The following PRKN variants were observed in gnomAD, a reference collection of about 807,000 sequenced individuals.
PRKN encodes the protein parkin RBR E3 ubiquitin protein ligase.
Under a neutral mutation model 59.5 loss-of-function variants are expected in PRKN, and 56 were observed. That is an observed-to-expected ratio of 0.94 (90% CI 0.76 to 1.18). The LOEUF (loss-of-function observed/expected upper bound fraction) is 1.18. Ranked by LOEUF, PRKN falls within the 50% of genes most tolerant of loss-of-function variation. PRKN has a pLI of 0.00. For missense variants in PRKN, 657 were observed against 596.4 expected (o/e 1.10, Z -1.06); for synonymous variants, 250 against 222.1 (o/e 1.13, Z -1.12).
At chr6:162,535,097 G>A (rs1333380404) in intron 1 of PRKN, among the ~76,000 whole-genome samples, 1 of 152,054 alleles carries the variant, frequency 6.6e-6, no homozygotes, top group Non-Finnish European at 1.5e-5. Flanking sequence ...GCTGGCTAAA[G>A]GGAAGCCCAG....
Position 161,445,152 on chromosome 6 carries a change from G to A in PRKN, c.1084-58275C>T, listed in dbSNP as rs79704117. Among the ~76,000 whole-genome samples, 1,647 of 152,152 alleles carry A rather than the reference G, an allele frequency of 0.011. 43 individuals carry two copies. The highest frequency in any genetic ancestry group is 0.11 in the East Asian group (554 of 5,150). On this transcript the variant is annotated intron_variant, in intron 9 of 11. Transcript: ENST00000366898. This position sits in a 1 kb window ranked among gnomAD's most constrained non-coding sequence, Gnocchi z 7.7. ...ACGTGCTCAGCCTCTCCAAAGCCGCGGCGCTGACACAGCTCCCCCTGCACG... is the reference window on the plus strand; with the variant it reads ...ACGTGCTCAGCCTCTCCAAAGCCGCAGCGCTGACACAGCTCCCCCTGCACG...
chr6:161,975,655 C>T (rs1336247863), intron 5 of PRKN, among the ~76,000 whole-genome samples: 1 of 152,086 alleles, frequency 6.6e-6, no homozygotes, highest in Non-Finnish European at 1.5e-5. Context: ...GATCGCTGAA[C>T]CCACCCTGGG....
At chr6:162,256,783 C>A (rs1172458687) in intron 3 of PRKN, among the ~76,000 whole-genome samples, 1 of 152,158 alleles carries the variant, frequency 6.6e-6, no homozygotes, top group Non-Finnish European at 1.5e-5. Flanking sequence ...AGCCAGGCCT[C>A]ATGGAGTCTT....
chr6:162,202,514 G>C (rs2128331021), intron 3 of PRKN, among the ~76,000 whole-genome samples: 1 of 152,188 alleles, frequency 6.6e-6, no homozygotes, highest in East Asian at 1.9e-4. Flanking sequence ...TTAGTTTCCA[G>C]TGGGAAATGG....
At chr6:161,902,823 C>T (rs1777985591) in intron 6 of PRKN, among the ~76,000 whole-genome samples, 1 of 152,130 alleles carries the variant, frequency 6.6e-6, no homozygotes, top group East Asian at 1.9e-4. Context: ...TCCCAAAGTG[C>T]TGGGATTACA....
chr6:162,659,312 T>C (rs1371574462), intron 1 of PRKN, among the ~76,000 whole-genome samples: 1 of 34,018 alleles, frequency 2.9e-5, no homozygotes, highest in Non-Finnish European at 5.5e-5. Flanking sequence ...TTCATTCCAA[T>C]TTGATTTGTG....
chr6:161,858,520 C>T lies in PRKN; in HGVS notation c.735-72612G>A, dbSNP rs115390931. On this transcript the variant is annotated intron_variant, in intron 6 of 11. Transcript: ENST00000366898. ...TCTGATGTGCTATAAACAGCCCTAA[C>T]CATCAAGATGGTAAAGGCTAGTGTG... 2.0e-3 allele frequency among the ~76,000 whole-genome samples: 309 copies of T among 152,268 alleles called. 1 individual carries two copies. Among genetic ancestry groups the T allele is most frequent in the African/African-American group, 7.1e-3 (297 of 41,562 alleles).
At chr6:162,288,568 G>C (rs1235489946) in intron 2 of PRKN, among the ~76,000 whole-genome samples, 1 of 152,096 alleles carries the variant, frequency 6.6e-6, no homozygotes, top group Non-Finnish European at 1.5e-5. Context: ...GTTCCTGCTA[G>C]GCTTGAAGAA....
chr6:162,351,407 A>G (rs1365894019), intron 2 of PRKN, among the ~76,000 whole-genome samples: 1 of 152,198 alleles, frequency 6.6e-6, no homozygotes, highest in African/African-American at 2.4e-5. Context: ...GTCAAATTGA[A>G]TACCTTTTAA....
At chr6:161,660,480 G>T (rs1562590590) in intron 7 of PRKN, among the ~76,000 whole-genome samples, 1 of 152,204 alleles carries the variant, frequency 6.6e-6, no homozygotes. Flanking sequence ...GGTCATTTCT[G>T]TGAAGATCAA....
chr6:161,483,187 A>AC lies in PRKN; in HGVS notation c.1083+65666_1083+65667insG, dbSNP rs1791496917. On this transcript the variant is annotated intron_variant, in intron 9 of 11. Coordinates refer to ENST00000366898, the MANE Select transcript of PRKN (RefSeq NM_004562.3). The surrounding 1 kb of genome is among the most constrained non-coding windows in gnomAD (Gnocchi z 5.0). ...ACAATTGTGTTTCAAAAAAAAAAAA[A>AC]AAAACATGCATTGTTAATGAGACTT... 6.6e-6 allele frequency among the ~76,000 whole-genome samples: 1 copy of AC among 152,146 alleles called. No homozygotes were observed. The highest frequency in any genetic ancestry group is 2.4e-5 in the African/African-American group (1 of 41,402).
chr6:162,445,420 C>T (rs1350827306), intron 1 of PRKN, among the ~76,000 whole-genome samples: 2 of 152,144 alleles, frequency 1.3e-5, no homozygotes, highest in Non-Finnish European at 2.9e-5. Flanking sequence ...GGCACAATGG[C>T]TCAAGCCTGT....
Position 162,479,757 on chromosome 6 carries a change from G to GTTTTTTTTTT in PRKN, c.8-36285_8-36284insAAAAAAAAAA, listed in dbSNP as rs749892002. ...GCCTGAGGCTGTTTTACAGTTATCT[G>GTTTTTTTTTT]TTTTTTTTTCTCAAAAATAATTAGT... On this transcript the variant is annotated intron_variant, in intron 1 of 11. Coordinates refer to ENST00000366898, the MANE Select transcript of PRKN (RefSeq NM_004562.3). 3.4e-5 allele frequency among the ~76,000 whole-genome samples: 5 copies of GTTTTTTTTTT among 148,546 alleles called. 1 individual carries two copies. The highest frequency in any genetic ancestry group is 3.0e-5 in the Non-Finnish European group (2 of 67,292).
chr6:161,894,583 C>T (rs927391630), intron 6 of PRKN, among the ~76,000 whole-genome samples: 6 of 152,076 alleles, frequency 3.9e-5, no homozygotes, highest in African/African-American at 1.2e-4. Context: ...TCAAATCGTG[C>T]GTTACTCATG....
At chr6:161,969,057 G>T (rs1450468705) in intron 6 of PRKN, among the ~76,000 whole-genome samples, 1 of 152,108 alleles carries the variant, frequency 6.6e-6, no homozygotes, top group Admixed American at 6.5e-5. Flanking sequence ...CAAAAATTAT[G>T]CTGAAAGAGA....
intron 4 of PRKN, among the ~76,000 whole-genome samples, chr6:162,062,783 G>C (rs1778152178): frequency 6.6e-6 from 1 of 152,294 alleles, no homozygotes; most frequent in South Asian, 2.1e-4. Flanking sequence ...CAAATATAGA[G>C]GGTATGGAAA....
At chr6:162,253,248 C>G (rs75620153) in intron 3 of PRKN, among the ~76,000 whole-genome samples, 1 of 151,930 alleles carries the variant, frequency 6.6e-6, no homozygotes, top group Non-Finnish European at 1.5e-5. Context: ...GCTCTGTTAA[C>G]GAAACAGGCA....
At chr6:162,435,608 G>A (rs1026884450) in intron 2 of PRKN, among the ~76,000 whole-genome samples, 1 of 152,116 alleles carries the variant, frequency 6.6e-6, no homozygotes, top group African/African-American at 2.4e-5. Context: ...TCTAGACTCG[G>A]ACACGTAGCA....
intron 7 of PRKN, among the ~76,000 whole-genome samples, chr6:161,663,107 G>T (rs567716573): frequency 6.6e-6 from 1 of 152,316 alleles, no homozygotes; most frequent in South Asian, 2.1e-4. Flanking sequence ...TGGAAGATGT[G>T]ACTTTGCTCC....
Sources: allele counts gnomAD v4.1 joint callset (sites outside exome capture counted in the v4.1 genomes callset), GRCh38; gene constraint gnomAD v4.1.1; non-coding constraint Gnocchi (gnomAD v3.1); transcripts MANE v1.5; gene names NCBI Gene and HGNC (gene_info 2026-07-23, HGNC 2026-07-21).